CNTNAP2: variants seen among roughly 807,000 people sequenced by gnomAD.
The protein encoded by CNTNAP2 is contactin-associated protein-like 2.
Under a neutral mutation model 155.2 loss-of-function variants are expected in CNTNAP2, and 98 were observed. The ratio of observed to expected loss-of-function variants is 0.63; its 90% CI spans 0.54 to 0.75. The LOEUF is 0.75. Among genes scored for constraint, CNTNAP2 ranks in the 30% least tolerant of loss-of-function variants. The pLI is 0.00. For synonymous variants in CNTNAP2, 651 were observed against 631.2 expected (o/e 1.03, Z -0.47); for missense variants, 1,727 against 1,688.1 (o/e 1.02, Z -0.40).
intron 11 of CNTNAP2, among the ~76,000 whole-genome samples, chr7:147,508,738 G>A (rs964646834): frequency 1.3e-5 from 2 of 152,104 alleles, no homozygotes; most frequent in African/African-American, 4.8e-5. Context: ...CGTCTCATGA[G>A]ATCTGATGAT....
chr7:146,340,438 A>AAC (rs1801362432), intron 1 of CNTNAP2, among the ~76,000 whole-genome samples: 2 of 151,836 alleles, frequency 1.3e-5, no homozygotes, highest in South Asian at 4.1e-4. Context: ...AATGAAAGAA[A>AAC]ACAGAATGCT....
chr7:146,717,685 C>T (rs1801214630), intron 1 of CNTNAP2, among the ~76,000 whole-genome samples: 1 of 151,742 alleles, frequency 6.6e-6, no homozygotes, highest in Admixed American at 6.6e-5. Context: ...TTATTTAACT[C>T]ACCTTGGTTT....
At chr7:148,356,622 C>T (rs117889391) in intron 21 of CNTNAP2, among the ~76,000 whole-genome samples, 2,510 of 152,304 alleles carry the variant, frequency 0.016, 26 homozygotes, top group Non-Finnish European at 0.026. Flanking sequence ...TACATTAATT[C>T]TCCTGATGTA....
At chr7:147,849,799 A>C (rs1355437958) in intron 13 of CNTNAP2, 1 of 152,224 alleles carries the variant, frequency 6.6e-6, no homozygotes, top group Non-Finnish European at 1.5e-5. Context: ...CTTTCACTTA[A>C]GTCCTTTTTA....
rs144831574 is a variant in CNTNAP2, at chr7:147,291,527, C to A, written c.1349-8614C>A. 7.5e-3 allele frequency among the ~76,000 whole-genome samples: 1,133 copies of A among 151,256 alleles called. 11 individuals are homozygous for A. The highest frequency in any genetic ancestry group is 0.012 in the Non-Finnish European group (838 of 67,940). On this transcript the variant is annotated intron_variant, in intron 8 of 23. Transcript: ENST00000361727. Reference sequence around the variant, plus strand: ...CTTTTTTATTATTTAGCAATATTTCCTTGTTTGAATATATACTGTATGTAC... The same window carrying A: ...CTTTTTTATTATTTAGCAATATTTCATTGTTTGAATATATACTGTATGTAC...
At chr7:147,553,719 G>A (rs1191800329) in intron 11 of CNTNAP2, among the ~76,000 whole-genome samples, 1 of 152,148 alleles carries the variant, frequency 6.6e-6, no homozygotes, top group Non-Finnish European at 1.5e-5. Flanking sequence ...CTGAGGTGGT[G>A]GTTTGCGCCT....
Position 148,415,912 on chromosome 7 carries a change from T to G in CNTNAP2, c.*296T>G. On this transcript the variant is annotated 3_prime_UTR_variant, in exon 24 of 24. Coordinates refer to ENST00000361727, the MANE Select transcript of CNTNAP2 (RefSeq NM_014141.6). ...TGTAGGTACTATCTGTCTTATTTTGTGTGTGTTTAGAGGTGTTCTAAAGAC... is the reference window on the plus strand; with the variant it reads ...TGTAGGTACTATCTGTCTTATTTTGGGTGTGTTTAGAGGTGTTCTAAAGAC... The G allele has an allele frequency of 2.0e-6, 1 of 502,104 alleles. No individual in the cohort carries two copies. Among genetic ancestry groups the G allele is most frequent in the Non-Finnish European group, 3.6e-6 (1 of 281,184 alleles). 31.1% of individuals were successfully genotyped at this position (502,104 alleles called of 1,614,324 possible). A position where few individuals can be genotyped will look rare whatever the true frequency, so the allele number is the denominator to read the frequency against.
At chr7:146,871,190 A>G (rs1040653504) in intron 3 of CNTNAP2, among the ~76,000 whole-genome samples, 7 of 152,156 alleles carry the variant, frequency 4.6e-5, no homozygotes, top group Non-Finnish European at 8.8e-5. Flanking sequence ...TTAAACAGGC[A>G]CATCTAGGGG....
chr7:146,553,505 A>T (rs546542841), intron 1 of CNTNAP2, among the ~76,000 whole-genome samples: 2 of 152,200 alleles, frequency 1.3e-5, no homozygotes, highest in Admixed American at 1.3e-4. Flanking sequence ...ATTCATCCTA[A>T]TTATTCACAT....
At chr7:146,467,641 T>G (rs1438981774) in intron 1 of CNTNAP2, among the ~76,000 whole-genome samples, 2 of 152,148 alleles carry the variant, frequency 1.3e-5, no homozygotes. Flanking sequence ...TATTTCAGAG[T>G]GTTAGTTTCC....
intron 10 of CNTNAP2, among the ~76,000 whole-genome samples, chr7:147,466,534 G>A (rs1798122877): frequency 6.6e-6 from 1 of 152,112 alleles, no homozygotes; most frequent in Non-Finnish European, 1.5e-5. Context: ...AGGAGAGCAG[G>A]AAAAGTACAG....
intron 8 of CNTNAP2, among the ~76,000 whole-genome samples, chr7:147,287,241 A>T (rs547321286): frequency 6.6e-6 from 1 of 152,156 alleles, no homozygotes; most frequent in Non-Finnish European, 1.5e-5. Flanking sequence ...TCCTAACAGG[A>T]TTCTCACTGA....
At chr7:146,338,527 G>A (rs891251131) in intron 1 of CNTNAP2, among the ~76,000 whole-genome samples, 2 of 152,042 alleles carry the variant, frequency 1.3e-5, no homozygotes, top group African/African-American at 2.4e-5. Flanking sequence ...GTTTTCTGGT[G>A]TGAGGTGAAC....
In CNTNAP2 at chr7:146,274,154, T is replaced by C. The variant is rs183146409; in HGVS notation, c.97+157181T>C. 2.4e-3 allele frequency among the ~76,000 whole-genome samples: 363 copies of C among 152,312 alleles called. 3 individuals carry two copies. The highest frequency in any genetic ancestry group is 5.0e-4 in the Non-Finnish European group (34 of 68,018). On this transcript the variant is annotated intron_variant, in intron 1 of 23. Coordinates refer to ENST00000361727, the MANE Select transcript of CNTNAP2 (RefSeq NM_014141.6). ...AATTTCTAAAGGCCCATTAAAATTC[T>C]CCAGTGCTTGTGACACATAGCGCCT...
intron 3 of CNTNAP2, among the ~76,000 whole-genome samples, chr7:146,862,890 A>G (rs1196512167): frequency 6.6e-6 from 1 of 152,194 alleles, no homozygotes; most frequent in African/African-American, 2.4e-5. Flanking sequence ...AGTTATTAAA[A>G]GTGTTTTGAA....
intron 13 of CNTNAP2, among the ~76,000 whole-genome samples, chr7:147,774,016 T>C (rs1797517173): frequency 6.6e-6 from 1 of 152,110 alleles, no homozygotes; most frequent in African/African-American, 2.4e-5. Context: ...TTTTGTTGTT[T>C]TCTCTGCTTG....
chr7:148,177,293 T>C (rs746799516), intron 18 of CNTNAP2, among the ~76,000 whole-genome samples: 32 of 152,184 alleles, frequency 2.1e-4, no homozygotes, highest in Non-Finnish European at 3.8e-4. Context: ...TGTGTCTTCA[T>C]AGGAAGAGGA....
chr7:147,998,372 A>G (rs776647776), intron 15 of CNTNAP2, among the ~76,000 whole-genome samples: 38 of 151,932 alleles, frequency 2.5e-4, no homozygotes, highest in Non-Finnish European at 4.6e-4. Flanking sequence ...TGGCCTCCCA[A>G]AGTGCTGGGA....
intron 1 of CNTNAP2, among the ~76,000 whole-genome samples, chr7:146,298,407 C>T (rs77743539): frequency 6.6e-6 from 1 of 152,078 alleles, no homozygotes; most frequent in Non-Finnish European, 1.5e-5. Context: ...AAATACATCA[C>T]CCCCACAGCT....
Sources: gnomAD v4.1 joint callset for allele counts (sites outside exome capture counted in the v4.1 genomes callset) on GRCh38, gnomAD v4.1.1 for gene constraint, MANE v1.5 for transcripts, NCBI Gene and HGNC (gene_info 2026-07-23, HGNC 2026-07-21) for gene names.